MIDEAS: variants seen among roughly 807,000 people sequenced by gnomAD.
The protein encoded by MIDEAS is mitotic deacetylase associated SANT domain protein.
A neutral mutation model predicts 102.7 loss-of-function variants in MIDEAS; 26 were observed. That is an observed-to-expected ratio of 0.25 (90% CI 0.19 to 0.35). MIDEAS has a LOEUF of 0.35. Among genes scored for constraint, MIDEAS ranks in the 10% least tolerant of loss-of-function variants. The probability of loss-of-function intolerance (pLI) is 1.00; values close to 1 mark genes in which losing one functional copy is unlikely to be tolerated. For missense variants in MIDEAS, 1,231 were observed against 1,435.6 expected, an observed-to-expected ratio of 0.86 and a Z score of 2.30; for synonymous variants, 585 against 591.0, an observed-to-expected ratio of 0.99 and a Z score of 0.15.
At chr14:73,776,259 C>T (rs1302675408) in intron 1 of MIDEAS, among the ~76,000 whole-genome samples, 2 of 152,034 alleles carry the variant, frequency 1.3e-5, no homozygotes, top group African/African-American at 4.8e-5. Context: ...CCCTTTTCCA[C>T]TGGGATGGTC....
At chr14:73,757,049 G>T (rs1434965192) in intron 1 of MIDEAS, among the ~76,000 whole-genome samples, 3 of 151,906 alleles carry the variant, frequency 2.0e-5, no homozygotes, top group East Asian at 1.9e-4. Context: ...AAAGTGGGTG[G>T]ATTTCTTGAG....
At chr14:73,772,794 AGTGTGTGTGTGTGTGTGT>A (rs61402555) in intron 1 of MIDEAS, among the ~76,000 whole-genome samples, 2 of 135,628 alleles carry the variant, frequency 1.5e-5, no homozygotes, top group East Asian at 2.1e-4. Flanking sequence ...TTCAAGTTCT[AGTGTGTGTGTGTGTGTGT>A]GTGTGTGTGT....
At chr14:73,775,718 T>G (rs1260304246) in intron 1 of MIDEAS, among the ~76,000 whole-genome samples, 1 of 152,098 alleles carries the variant, frequency 6.6e-6, no homozygotes, top group Non-Finnish European at 1.5e-5. Context: ...TGTCTAAGAT[T>G]AATGGAACTG....
chr14:73,775,721 T>C (rs1237801533), intron 1 of MIDEAS, among the ~76,000 whole-genome samples: 1 of 152,116 alleles, frequency 6.6e-6, no homozygotes. Flanking sequence ...CTAAGATTAA[T>C]GGAACTGAAT....
At chr14:73,779,881 A>AT (rs899452049) in intron 1 of MIDEAS, among the ~76,000 whole-genome samples, 13 of 132,042 alleles carry the variant, frequency 9.8e-5, no homozygotes, top group South Asian at 4.9e-4. Context: ...CCGGCCTATT[A>AT]TTTTTTTTTG....
chr14:73,723,100 C>T (rs1018692036), intron 9 of MIDEAS: 28 of 331,896 alleles, frequency 8.4e-5, no homozygotes, highest in African/African-American at 3.8e-4. Context: ...CGGAACCACT[C>T]GGGAGATGGC....
At chr14:73,780,621 G>A (rs2053746324) in intron 1 of MIDEAS, among the ~76,000 whole-genome samples, 1 of 152,210 alleles carries the variant, frequency 6.6e-6, no homozygotes, top group African/African-American at 2.4e-5. Context: ...TCCACAAATG[G>A]CCGGTGAGGA....
chr14:73,766,850 C>CTTTTTTTTTT, intron 1 of MIDEAS, among the ~76,000 whole-genome samples: 1 of 119,706 alleles, frequency 8.4e-6, no homozygotes, highest in African/African-American at 3.0e-5. Flanking sequence ...ACTGCCCGGC[C>CTTTTTTTTTT]ATTTTTTTTT....
intron 3 of MIDEAS, among the ~76,000 whole-genome samples, chr14:73,732,975 C>A (rs2053158813): frequency 6.6e-6 from 1 of 151,626 alleles, no homozygotes; most frequent in Non-Finnish European, 1.5e-5. Context: ...ACCTGTAATC[C>A]CAGCTACTAA....
chr14:73,729,899 G>C lies in MIDEAS; in HGVS notation c.1836C>G (p.Pro612=), dbSNP rs536405979. The change falls in exon 4 of 13, where the codon CCC becomes CCG. Residue 612 remains proline, a synonymous_variant. Coordinates refer to ENST00000423556, the MANE Select transcript of MIDEAS (RefSeq NM_001367710.1). ...GGGCGATGAAAGTGCCCGCCTTGGTGGGGATGATGAGGGGCTCGGGCCTGG... is the reference window on the plus strand; with the variant it reads ...GGGCGATGAAAGTGCCCGCCTTGGTCGGGATGATGAGGGGCTCGGGCCTGG... ...QRPRPEPLII[P]TKAGTFIAPP... is the part of the protein sequence containing the mutation. 1.3e-5 allele frequency: 21 copies of C among 1,613,012 alleles called. No homozygotes were observed. In the South Asian group the frequency reaches 1.9e-4, roughly 14 times the overall value.
At position 73,726,883 on chromosome 14, in the gene MIDEAS, A is replaced by T. The variant is rs2053068158; in HGVS notation, c.2252T>A (p.Leu751Ter). ...LAAADPHKADLVWQPWEDLES... is the reference protein window; with the variant it reads ...LAAADPHKAD ...TAGGTCCTCCCATGGCTGCCACACC[A>T]AGTCAGCCTTGTGGGGATCTGCAGC... Residue 751 changes from leucine to a stop codon, truncating the protein, a stop_gained, in exon 6 of 13, where the codon TTG becomes TAG. Coordinates refer to ENST00000423556, the MANE Select transcript of MIDEAS (RefSeq NM_001367710.1). LOFTEE classifies it high-confidence loss of function. The T allele has an allele frequency of 6.2e-7, 1 of 1,613,570 alleles. No homozygotes were observed. The highest frequency in any genetic ancestry group is 1.3e-5 in the African/African-American group (1 of 74,898).
intron 1 of MIDEAS, among the ~76,000 whole-genome samples, chr14:73,780,933 T>G (rs1320180039): frequency 2.3e-5 from 3 of 130,092 alleles, no homozygotes; most frequent in East Asian, 3.6e-4. Context: ...CCTAGTTTTT[T>G]TTGTTTTTTT....
chr14:73,752,566 G>T (rs2053433674), intron 1 of MIDEAS, among the ~76,000 whole-genome samples: 1 of 152,026 alleles, frequency 6.6e-6, no homozygotes, highest in Non-Finnish European at 1.5e-5. Context: ...TAGCGACCAG[G>T]AAGCAAAAAA....
chr14:73,767,943 G>A (rs2053605864), intron 1 of MIDEAS, among the ~76,000 whole-genome samples: 1 of 152,206 alleles, frequency 6.6e-6, no homozygotes, highest in Non-Finnish European at 1.5e-5. Context: ...TGGATTGCTT[G>A]AGCTCAGGAC....
At chr14:73,778,206 T>C (rs1435577999) in intron 1 of MIDEAS, among the ~76,000 whole-genome samples, 19 of 151,668 alleles carry the variant, frequency 1.3e-4, no homozygotes, top group Middle Eastern at 3.2e-3. Flanking sequence ...AATACAAAAA[T>C]TAGCCGGGTG....
Position 73,725,263 on chromosome 14 carries a change from C to T in MIDEAS, c.2574+9G>A. 6.2e-7 allele frequency: 1 copy of T among 1,613,094 alleles called. No individual in the cohort carries two copies. Among genetic ancestry groups the T allele is most frequent in the East Asian group, 2.2e-5 (1 of 44,892 alleles). ...GCCCTCATTTGCCCTGAAACAGAGC[C>T]CAGCTCACCAGCTTCTGCACCAGGA... On this transcript the variant is annotated intron_variant, in intron 9 of 12. Transcript: ENST00000423556. The surrounding 1 kb of genome is among the most constrained non-coding windows in gnomAD (Gnocchi z 4.1).
intron 1 of MIDEAS, among the ~76,000 whole-genome samples, chr14:73,776,269 C>G (rs1339738233): frequency 6.6e-6 from 1 of 151,966 alleles, no homozygotes; most frequent in Non-Finnish European, 1.5e-5. Context: ...CTGGGATGGT[C>G]AGATTCCAGA....
At chr14:73,779,108 G>A (rs532900055) in intron 1 of MIDEAS, among the ~76,000 whole-genome samples, 6 of 151,940 alleles carry the variant, frequency 3.9e-5, no homozygotes, top group African/African-American at 7.2e-5. Context: ...AGAAATAGCC[G>A]GGCATGGTTG....
upstream of MIDEAS, among the ~76,000 whole-genome samples, chr14:73,761,708 A>G (rs1056870977): frequency 5.3e-5 from 8 of 152,194 alleles, no homozygotes; most frequent in African/African-American, 1.9e-4. Flanking sequence ...CCGATTTAGC[A>G]TCTGTGATGA....
Sources: gnomAD v4.1 joint callset for allele counts (sites outside exome capture counted in the v4.1 genomes callset) on GRCh38, gnomAD v4.1.1 for gene constraint, Gnocchi (gnomAD v3.1) non-coding constraint, MANE v1.5 for transcripts, NCBI Gene and HGNC (gene_info 2026-07-23, HGNC 2026-07-21) for gene names.